Variants in ZMYM2 observed in about 807,000 individuals in gnomAD.
ZMYM2 encodes zinc finger MYM-type containing 2.
In ZMYM2, 56 loss-of-function variants were observed where a neutral mutation model predicts 162.8. That is an observed-to-expected ratio of 0.34 (90% CI 0.28 to 0.43). The LOEUF (loss-of-function observed/expected upper bound fraction) is 0.43. Ranked by LOEUF, ZMYM2 falls within the 20% of genes least tolerant of loss-of-function variation. The pLI is 1.00. For synonymous variants in ZMYM2, 510 were observed against 541.6 expected, an observed-to-expected ratio of 0.94 and a Z score of 0.81; for missense variants, 1,275 against 1,621.8, an observed-to-expected ratio of 0.79 and a Z score of 3.67.
At chr13:19,942,214 A>C in the ZMYM2 span, among the ~76,000 whole-genome samples, 2 of 152,100 alleles carry the variant, frequency 1.3e-5, no homozygotes, top group African/African-American at 4.8e-5. Flanking sequence ...AGAAAGTTAC[A>C]AATTTTGAAT....
At chr13:19,899,012 G>A in the ZMYM2 span, among the ~76,000 whole-genome samples, 900 of 146,728 alleles carry the variant, frequency 6.1e-3, 14 homozygotes, top group African/African-American at 0.021. Context: ...CACAATCCTC[G>A]CTTGATCTCA....
chr13:19,959,986 G>T lies in ZMYM2; in HGVS notation c.-51G>T, dbSNP rs1955013240. 1 of 152,260 alleles carries T rather than the reference G, an allele frequency of 6.6e-6. No individual in the cohort carries two copies. The highest frequency in any genetic ancestry group is 2.1e-4 in the South Asian group (1 of 4,824). 9.4% of individuals were successfully genotyped at this position (152,260 alleles called of 1,614,324 possible). ...CAAGAATCGCCTTCAGCCCTGTCTGGTGCATCCTTGGCAGAAAGTGAGGAG... is the reference window on the plus strand; with the variant it reads ...CAAGAATCGCCTTCAGCCCTGTCTGTTGCATCCTTGGCAGAAAGTGAGGAG... On this transcript the variant is annotated 5_prime_UTR_variant, in exon 2 of 25. Transcript: ENST00000610343.
At chr13:19,884,316 G>A in the ZMYM2 span, among the ~76,000 whole-genome samples, 1 of 152,132 alleles carries the variant, frequency 6.6e-6, no homozygotes, top group African/African-American at 2.4e-5. Context: ...GCTGCCGCTT[G>A]TTATACCCCC....
chr13:19,882,177 G>C, the ZMYM2 span, among the ~76,000 whole-genome samples: 4 of 151,972 alleles, frequency 2.6e-5, no homozygotes, highest in African/African-American at 7.2e-5. Flanking sequence ...TAATAAATCA[G>C]ACTTCATCAA....
intron 2 of ZMYM2, among the ~76,000 whole-genome samples, chr13:19,979,210 C>T (rs1957074088): frequency 6.6e-6 from 1 of 152,140 alleles, no homozygotes; most frequent in Non-Finnish European, 1.5e-5. Flanking sequence ...TTGAGGTCCA[C>T]AATGTGTCTT....
At chr13:19,939,937 G>A in the ZMYM2 span, among the ~76,000 whole-genome samples, 2 of 152,162 alleles carry the variant, frequency 1.3e-5, no homozygotes, top group Non-Finnish European at 2.9e-5. Flanking sequence ...CTACACAACA[G>A]TGAAAAGGAA....
chr13:20,005,056 G>C lies in ZMYM2; in HGVS notation c.1134-18G>C. 1 of 1,583,648 alleles carries C rather than the reference G, an allele frequency of 6.3e-7. No individual in the cohort carries two copies. Among genetic ancestry groups the C allele is most frequent in the East Asian group, 2.3e-5 (1 of 43,442 alleles). ...TTCTTTTAAAATGGAATTTTAATAT[G>C]TACCACTTATTTTTCAGAGATATAA... On this transcript the variant is annotated intron_variant, in intron 4 of 24. Transcript: ENST00000610343.
the ZMYM2 span, among the ~76,000 whole-genome samples, chr13:19,908,981 G>A: frequency 6.6e-6 from 1 of 152,088 alleles, no homozygotes; most frequent in Non-Finnish European, 1.5e-5. Context: ...AAAGGCACAG[G>A]GTCTCAATTC....
chr13:20,012,673 A>G (rs1177616585), intron 6 of ZMYM2, among the ~76,000 whole-genome samples: 1 of 152,152 alleles, frequency 6.6e-6, no homozygotes, highest in Non-Finnish European at 1.5e-5. Context: ...GCAGGGGTCC[A>G]ACTTCATTGT....
At chr13:19,876,320 G>C in the ZMYM2 span, among the ~76,000 whole-genome samples, 2 of 151,632 alleles carry the variant, frequency 1.3e-5, no homozygotes, top group African/African-American at 2.4e-5. Context: ...GAGCCACTAC[G>C]CCTGGCTCTT....
intron 3 of ZMYM2, among the ~76,000 whole-genome samples, 167 bp from the exon 4 acceptor site, chr13:20,002,683 A>G (rs1950484364): frequency 6.6e-6 from 1 of 152,142 alleles, no homozygotes; most frequent in Admixed American, 6.5e-5. Context: ...TGTTACCGTG[A>G]CATTCTTACT....
chr13:20,037,031 G>C, intron 12 of ZMYM2, 122 bp downstream of exon 12: 1 of 815,430 alleles, frequency 1.2e-6, no homozygotes, highest in Non-Finnish European at 1.7e-6. Context: ...GCCCAGCCCT[G>C]ATAATACTAT....
At chr13:19,961,555 TTA>T (rs1955211138) in intron 2 of ZMYM2, among the ~76,000 whole-genome samples, 1 of 152,192 alleles carries the variant, frequency 6.6e-6, no homozygotes, top group Non-Finnish European at 1.5e-5. Context: ...CACAAAAGAT[TTA>T]TCTTTCTAGG....
chr13:20,016,604 T>G (rs1951652082), intron 6 of ZMYM2, among the ~76,000 whole-genome samples: 1 of 152,180 alleles, frequency 6.6e-6, no homozygotes, highest in Non-Finnish European at 1.5e-5. Context: ...GGATGATAGT[T>G]TTGCTGGACA....
the ZMYM2 span, among the ~76,000 whole-genome samples, chr13:19,905,074 C>T: frequency 6.7e-6 from 1 of 149,060 alleles, no homozygotes; most frequent in Non-Finnish European, 1.5e-5. Flanking sequence ...TGCAGTGGCA[C>T]GATCTCGGCT....
chr13:19,984,022 G>A (rs993552208), intron 2 of ZMYM2, among the ~76,000 whole-genome samples: 2 of 152,132 alleles, frequency 1.3e-5, no homozygotes, highest in African/African-American at 4.8e-5. Context: ...ACTCTTTGCT[G>A]TAAAAAAGAG....
intron 2 of ZMYM2, among the ~76,000 whole-genome samples, chr13:19,971,382 T>C (rs868827684): frequency 6.7e-6 from 1 of 150,220 alleles, no homozygotes; most frequent in Non-Finnish European, 1.5e-5. Flanking sequence ...GCTAATCTCC[T>C]ATCTCAGCCT....
intron 2 of ZMYM2, among the ~76,000 whole-genome samples, chr13:19,968,206 T>A (rs1487669653): frequency 6.6e-6 from 1 of 152,190 alleles, no homozygotes; most frequent in African/African-American, 2.4e-5. Flanking sequence ...CTTAATGTGG[T>A]CTCATAGTTA....
At chr13:20,057,856 G>A (rs976305437) in intron 14 of ZMYM2, among the ~76,000 whole-genome samples, 2 of 152,118 alleles carry the variant, frequency 1.3e-5, no homozygotes, top group Admixed American at 6.5e-5. Context: ...TAACTATTCC[G>A]AATTATGTAC....
Sources: gnomAD v4.1 joint callset for allele counts (sites outside exome capture counted in the v4.1 genomes callset) on GRCh38, gnomAD v4.1.1 for gene constraint, MANE v1.5 for transcripts, NCBI Gene and HGNC (gene_info 2026-07-23, HGNC 2026-07-21) for gene names.